ARG2: variants seen among roughly 807,000 people sequenced by gnomAD.
ARG2 encodes the protein arginase-2, mitochondrial.
ARG2 carries 21 observed loss-of-function variants against 39.4 expected under a neutral mutation model. That is an observed-to-expected ratio of 0.53 (90% confidence interval 0.38 to 0.77). The LOEUF (loss-of-function observed/expected upper bound fraction) is 0.77. ARG2 is among the 30% of genes least tolerant of loss of function. The pLI is 0.00. For synonymous variants in ARG2, 150 were observed against 156.7 expected (o/e 0.96, Z 0.32); for missense variants, 378 against 426.2 (o/e 0.89, Z 1.00).
chr14:67,643,851 GTAAA>G (rs2037062983), intron 3 of ARG2, among the ~76,000 whole-genome samples: 1 of 33,030 alleles, frequency 3.0e-5, no homozygotes. Flanking sequence ...CTCCTTGGGA[GTAAA>G]AAAAAAAAAA....
In ARG2 at chr14:67,648,201, C is replaced by CTGCAGCCTGTTA. The variant is rs765464196; in HGVS notation, c.859+19_859+30dup. 6.2e-7 allele frequency: 1 copy of CTGCAGCCTGTTA among 1,607,896 alleles called. No individual in the cohort carries two copies. Among genetic ancestry groups the CTGCAGCCTGTTA allele is most frequent in the East Asian group, 2.2e-5 (1 of 44,730 alleles). On this transcript the variant is annotated intron_variant, in intron 7 of 7. Transcript: ENST00000261783. The stretch of plus-strand genomic sequence containing the variant: ...CAATACAGGTATGTAGCAACCAGGT[C>CTGCAGCCTGTTA]TGCAGCCTGTTAACTACATAGGTAA...
At chr14:67,629,072 G>A (rs980852521) in intron 2 of ARG2, among the ~76,000 whole-genome samples, 1 of 152,214 alleles carries the variant, frequency 6.6e-6, no homozygotes, top group East Asian at 1.9e-4. Context: ...GGTGGCTCAT[G>A]CCTGTAATCC....
chr14:67,649,172 C>T (rs1270522551), intron 7 of ARG2: 1 of 152,144 alleles, frequency 6.6e-6, no homozygotes, highest in Non-Finnish European at 1.5e-5. Flanking sequence ...ACCTCTAGCA[C>T]TTATATATGG....
chr14:67,621,063 G>A, intron 2 of ARG2, 97 bp downstream of exon 2: 1 of 1,198,958 alleles, frequency 8.3e-7, no homozygotes, highest in Non-Finnish European at 1.2e-6. Flanking sequence ...CTTTGTGTTT[G>A]GGAACAGTCT....
chr14:67,646,575 C>T (rs924687458), intron 4 of ARG2, 69 bp from the exon 5 acceptor site: 19 of 1,273,640 alleles, frequency 1.5e-5, no homozygotes, highest in African/African-American at 1.5e-4. Flanking sequence ...TACCCACGGA[C>T]GCACATGATA....
chr14:67,626,564 G>T (rs965283785), intron 2 of ARG2, among the ~76,000 whole-genome samples: 1 of 152,190 alleles, frequency 6.6e-6, no homozygotes, highest in Non-Finnish European at 1.5e-5. Context: ...CCAGGCTGGA[G>T]TGCAGTGGTG....
intron 1 of ARG2, 148 bp downstream of exon 1, chr14:67,620,236 C>A: frequency 1.9e-6 from 1 of 537,070 alleles, no homozygotes; most frequent in African/African-American, 2.0e-5. Context: ...CGCTACTGGG[C>A]ACCGTGGGAG....
chr14:67,637,041 G>C (rs1374557712), intron 2 of ARG2, among the ~76,000 whole-genome samples: 3 of 152,114 alleles, frequency 2.0e-5, no homozygotes, highest in Non-Finnish European at 4.4e-5. Context: ...ATTACCCTAA[G>C]CTTCTTGAAA....
chr14:67,637,340 G>T (rs1453178398), intron 2 of ARG2, among the ~76,000 whole-genome samples: 1 of 149,780 alleles, frequency 6.7e-6, no homozygotes, highest in Non-Finnish European at 1.5e-5. Context: ...GAACCAGGGA[G>T]GTGGAGGTTG....
intron 2 of ARG2, among the ~76,000 whole-genome samples, chr14:67,627,169 G>A (rs2036874486): frequency 6.6e-6 from 1 of 150,812 alleles, no homozygotes; most frequent in Non-Finnish European, 1.5e-5. Flanking sequence ...AGAAAGCACT[G>A]AATTATAAAT....
chr14:67,630,033 C>T (rs1016210716), intron 2 of ARG2, among the ~76,000 whole-genome samples: 11 of 152,208 alleles, frequency 7.2e-5, no homozygotes, highest in African/African-American at 2.7e-4. Flanking sequence ...TTCCTTCCCA[C>T]ATTTCCCACC....
chr14:67,646,836 CAACA>C (rs764764257), intron 5 of ARG2, 81 bp from the exon 6 acceptor site: 20 of 1,399,002 alleles, frequency 1.4e-5, no homozygotes, highest in Non-Finnish European at 2.0e-5. Flanking sequence ...CAGGTCACTA[CAACA>C]AACCCACCCT....
intron 2 of ARG2, among the ~76,000 whole-genome samples, chr14:67,638,735 G>T (rs569111762): frequency 6.6e-6 from 1 of 152,332 alleles, no homozygotes; most frequent in African/African-American, 2.4e-5. Context: ...TTTAGAGGAG[G>T]CTGGCCCTTA....
intron 2 of ARG2, among the ~76,000 whole-genome samples, chr14:67,633,513 C>T (rs907319817): frequency 2.0e-5 from 3 of 152,194 alleles, no homozygotes; most frequent in African/African-American, 7.2e-5. Flanking sequence ...CCCAAACTGA[C>T]CTTATCATCT....
In ARG2 at chr14:67,648,138, AC is replaced by A. The variant is rs754262476; in HGVS notation, c.816del (p.Tyr273IlefsTer44). The A allele has an allele frequency of 6.2e-7, 1 of 1,614,054 alleles. No individual in the cohort carries two copies. The highest frequency in any genetic ancestry group is 1.1e-5 in the South Asian group (1 of 91,076). ...AGGAACTCCTGTTGTCGGGGGACTAACCTATCGAGAAGGCATGTATATTGCT... is the reference window on the plus strand; with the variant it reads ...AGGAACTCCTGTTGTCGGGGGACTAACTATCGAGAAGGCATGTATATTGCT... ...ATGTPVVGGL[T>X]YREGMYIAEE... On this transcript the variant is annotated frameshift_variant, in exon 7 of 8. Coordinates refer to ENST00000261783, the MANE Select transcript of ARG2 (RefSeq NM_001172.4). LOFTEE classifies it high-confidence loss of function.
chr14:67,629,528 G>C (rs1382242266), intron 2 of ARG2, among the ~76,000 whole-genome samples: 1 of 152,198 alleles, frequency 6.6e-6, no homozygotes, highest in Non-Finnish European at 1.5e-5. Context: ...GACTTGGTGG[G>C]AGAAGGAAAT....
chr14:67,646,700 T>C lies in ARG2; in HGVS notation c.579T>C (p.Ile193=). The change falls in exon 5 of 8, where the codon ATT becomes ATC. Residue 193 remains isoleucine (I), a synonymous_variant. Coordinates refer to ENST00000261783, the MANE Select transcript of ARG2 (RefSeq NM_001172.4). ...AACCTTGTATCTCTTCTGCAAGTAT[T>C]GTGTATATTGGTCTGAGAGACGTGG... ...WIKPCISSAS[I]VYIGLRDVDP... is the part of the protein sequence containing the mutation. 1 of 1,613,908 alleles carries C rather than the reference T, an allele frequency of 6.2e-7. No homozygotes were observed. The highest frequency in any genetic ancestry group is 8.5e-7 in the Non-Finnish European group (1 of 1,179,794).
chr14:67,637,992 T>C (rs1261105943), intron 2 of ARG2, among the ~76,000 whole-genome samples: 4 of 152,172 alleles, frequency 2.6e-5, no homozygotes, highest in Non-Finnish European at 5.9e-5. Flanking sequence ...CCCGCTGCCT[T>C]GAACCTGGGG....
chr14:67,620,232 T>C (rs1376157791), intron 1 of ARG2, 144 bp downstream of exon 1: 3 of 294,262 alleles, frequency 1.0e-5, no homozygotes, highest in East Asian at 3.0e-4. Flanking sequence ...TTCCCGCTAC[T>C]GGGCACCGTG....
Sources: gnomAD v4.1 joint callset for allele counts (sites outside exome capture counted in the v4.1 genomes callset) on GRCh38, gnomAD v4.1.1 for gene constraint, MANE v1.5 for transcripts, NCBI Gene and HGNC (gene_info 2026-07-23, HGNC 2026-07-21) for gene names.